The following SLC8A1 variants were observed in gnomAD, a reference collection of about 807,000 sequenced individuals.
SLC8A1 encodes the protein solute carrier family 8 member A1, also known as sodium/calcium exchanger 1.
In SLC8A1, 18 loss-of-function variants were observed where a neutral mutation model predicts 68.3. The observed-to-expected ratio is 0.26, with a 90% confidence interval of 0.18 to 0.39. The LOEUF is 0.39. Among genes scored for constraint, SLC8A1 ranks in the 10% least tolerant of loss-of-function variants. The probability of loss-of-function intolerance (pLI) is 1.00; values close to 1 mark genes in which losing one functional copy is unlikely to be tolerated. For synonymous variants in SLC8A1, 475 were observed against 415.5 expected (o/e 1.14, Z -1.74); for missense variants, 985 against 1,156.7 (o/e 0.85, Z 2.15).
intron 2 of SLC8A1, among the ~76,000 whole-genome samples, chr2:40,313,135 T>C (rs891327530): frequency 6.6e-6 from 1 of 152,094 alleles, no homozygotes; most frequent in Non-Finnish European, 1.5e-5. Flanking sequence ...TTATTGTCAC[T>C]GTGGATTAGT....
chr2:40,233,728 A>C (rs2059988768), intron 2 of SLC8A1, among the ~76,000 whole-genome samples: 1 of 150,190 alleles, frequency 6.7e-6, no homozygotes, highest in African/African-American at 2.5e-5. Context: ...TTATGGTTTT[A>C]GGTCTAACGT....
intron 1 of SLC8A1, among the ~76,000 whole-genome samples, chr2:40,506,616 T>A (rs1706384940): frequency 1.3e-5 from 2 of 151,958 alleles, no homozygotes; most frequent in Non-Finnish European, 2.9e-5. Context: ...TTGATAATTT[T>A]AAAAAATGTA....
intron 7 of SLC8A1, chr2:40,123,116 T>A (rs193153376): frequency 6.6e-6 from 1 of 152,208 alleles, no homozygotes; most frequent in African/African-American, 2.4e-5. Flanking sequence ...ACACCTAGAA[T>A]AGGATTATTT....
At chr2:40,417,185 G>T (rs143447879) in intron 2 of SLC8A1, among the ~76,000 whole-genome samples, 4 of 151,992 alleles carry the variant, frequency 2.6e-5, no homozygotes, top group Non-Finnish European at 5.9e-5. Flanking sequence ...TTTTCTTTTA[G>T]GTTTGGGGTA....
intron 1 of SLC8A1, among the ~76,000 whole-genome samples, chr2:40,496,555 A>G (rs1318606984): frequency 6.6e-6 from 1 of 152,050 alleles, no homozygotes; most frequent in African/African-American, 2.4e-5. Flanking sequence ...TGTGCATATT[A>G]GAAGATGAAA....
At chr2:40,214,796 C>T (rs1447559832) in intron 2 of SLC8A1, among the ~76,000 whole-genome samples, 4 of 151,968 alleles carry the variant, frequency 2.6e-5, no homozygotes, top group Non-Finnish European at 4.4e-5. Context: ...TGAGAATTTC[C>T]AGGCCAACAT....
intron 1 of SLC8A1, among the ~76,000 whole-genome samples, chr2:40,461,893 AT>A (rs958727541): frequency 6.6e-6 from 1 of 152,026 alleles, no homozygotes; most frequent in African/African-American, 2.4e-5. Context: ...GTTATAAGAA[AT>A]CTAGTGTTGA....
chr2:40,358,704 T>C (rs989158977), intron 2 of SLC8A1, among the ~76,000 whole-genome samples: 17 of 152,174 alleles, frequency 1.1e-4, no homozygotes, highest in Admixed American at 9.8e-4. Context: ...CTAGGTACAG[T>C]CCAAGGTGCT....
chr2:40,336,763 T>A (rs1666111211), intron 2 of SLC8A1, among the ~76,000 whole-genome samples: 1 of 152,170 alleles, frequency 6.6e-6, no homozygotes, highest in Non-Finnish European at 1.5e-5. Context: ...CATGTTTTCT[T>A]TTTTCATGAA....
chr2:40,500,025 C>T (rs908096648), intron 1 of SLC8A1, among the ~76,000 whole-genome samples: 4 of 152,070 alleles, frequency 2.6e-5, no homozygotes, highest in Non-Finnish European at 5.9e-5. Context: ...CTAGCAGCTA[C>T]ATTAGTGTGT....
At chr2:40,464,160 G>C (rs780246409) in intron 1 of SLC8A1, among the ~76,000 whole-genome samples, 1 of 152,126 alleles carries the variant, frequency 6.6e-6, no homozygotes, top group Non-Finnish European at 1.5e-5. Flanking sequence ...CCCCCAAAGT[G>C]CTGGGATTAC....
intron 1 of SLC8A1, among the ~76,000 whole-genome samples, chr2:40,495,833 A>T (rs1307546894): frequency 6.6e-6 from 1 of 151,882 alleles, no homozygotes; most frequent in Non-Finnish European, 1.5e-5. Context: ...ACTGAAAGTG[A>T]CCCCCATTTA....
chr2:40,393,458 A>AT lies in SLC8A1; in HGVS notation c.1808+35014dup, dbSNP rs564882757. Among the ~76,000 whole-genome samples the AT allele has an allele frequency of 5.7e-3, 866 of 152,222 alleles. 6 individuals carry two copies. The highest frequency in any genetic ancestry group is 0.02 in the African/African-American group (815 of 41,552). On this transcript the variant is annotated intron_variant, in intron 2 of 7. Coordinates refer to ENST00000406785, the Ensembl canonical transcript of SLC8A1. ...GGGTGGAATTGCTATGTTCCAAATG[A>AT]TTTTCTGTCATCCCTTAGTTCACTG...
intron 2 of SLC8A1, among the ~76,000 whole-genome samples, chr2:40,334,872 A>G (rs771108706): frequency 1.3e-5 from 2 of 152,182 alleles, no homozygotes; most frequent in South Asian, 4.1e-4. Context: ...GCCTAAAACT[A>G]GTCCCTCAGC....
At chr2:40,469,341 A>C (rs1247508260) in intron 1 of SLC8A1, among the ~76,000 whole-genome samples, 1 of 152,116 alleles carries the variant, frequency 6.6e-6, no homozygotes, top group Non-Finnish European at 1.5e-5. Context: ...ATGGTTAAAA[A>C]GTGTGTGGCA....
chr2:40,177,680 G>C (rs984591414), intron 3 of SLC8A1: 3 of 903,880 alleles, frequency 3.3e-6, no homozygotes, highest in Non-Finnish European at 5.3e-6. Context: ...AGAGAGTTAA[G>C]TGTGAGAGTA....
At position 40,338,564 on chromosome 2, in the gene SLC8A1, G is replaced by C. The variant is rs577284670; in HGVS notation, c.1808+89909C>G. Among the ~76,000 whole-genome samples the C allele has an allele frequency of 1.1e-4, 16 of 152,160 alleles. No individual in the cohort carries two copies. In the South Asian group the frequency reaches 1.5e-3, roughly 14 times the overall value. On this transcript the variant is annotated intron_variant, in intron 2 of 7. Transcript: ENST00000406785. ...TCTGCTCTGTAAACATCCTCATATG[G>C]CATCTGACCCTACTGAAATCATTCA...
intron 1 of SLC8A1, among the ~76,000 whole-genome samples, chr2:40,468,364 C>G (rs1703814606): frequency 6.6e-6 from 1 of 152,062 alleles, no homozygotes; most frequent in Non-Finnish European, 1.5e-5. Flanking sequence ...CAGACTTTGT[C>G]CATTTAAACA....
At chr2:40,310,741 C>T (rs1015481344) in intron 2 of SLC8A1, among the ~76,000 whole-genome samples, 6 of 152,114 alleles carry the variant, frequency 3.9e-5, no homozygotes, top group African/African-American at 1.4e-4. Context: ...TCTCCCTCCA[C>T]TCAGTAGAAT....
Sources: allele counts gnomAD v4.1 joint callset (sites outside exome capture counted in the v4.1 genomes callset), GRCh38; gene constraint gnomAD v4.1.1; transcripts MANE v1.5; gene names NCBI Gene and HGNC (gene_info 2026-07-23, HGNC 2026-07-21).